Variants in ADAMTS17 observed in about 807,000 individuals in gnomAD.
ADAMTS17 encodes ADAM metallopeptidase with thrombospondin type 1 motif 17, also known as A disintegrin and metalloproteinase with thrombospondin motifs 17.
In ADAMTS17, 113 loss-of-function variants were observed where a neutral mutation model predicts 141.5. The observed-to-expected ratio is 0.80, with a 90% CI of 0.69 to 0.93. The LOEUF (loss-of-function observed/expected upper bound fraction) is 0.93, where lower values mean the gene tolerates loss of function less well. ADAMTS17 is among the 40% of genes least tolerant of loss of function. The pLI is 0.00. For synonymous variants in ADAMTS17, 768 were observed against 630.6 expected (o/e 1.22, Z -3.27); for missense variants, 1,659 against 1,517.9 (o/e 1.09, Z -1.54).
intron 18 of ADAMTS17, among the ~76,000 whole-genome samples, chr15:100,021,944 G>A (rs1486879544): frequency 6.6e-6 from 1 of 152,056 alleles, no homozygotes; most frequent in Non-Finnish European, 1.5e-5. Flanking sequence ...TTCCACTGCT[G>A]GCTCATCTGA....
intron 8 of ADAMTS17, among the ~76,000 whole-genome samples, chr15:100,184,140 G>C (rs1271091813): frequency 6.6e-6 from 1 of 152,238 alleles, no homozygotes; most frequent in East Asian, 1.9e-4. Flanking sequence ...TGCAGGTAGA[G>C]TAGCCAGCTC....
Position 100,002,592 on chromosome 15 carries a change from C to T in ADAMTS17, c.2592-5003G>A, listed in dbSNP as rs573304790. The stretch of plus-strand genomic sequence containing the variant: ...TCGCTGACTTAAAAAGCCAGATCTG[C>T]GGGGAAACAGAGTCAAGAGGAACGT... On this transcript the variant is annotated intron_variant, in intron 18 of 21. Transcript: ENST00000268070. 3.1e-4 allele frequency among the ~76,000 whole-genome samples: 47 copies of T among 152,072 alleles called. No homozygotes were observed. The South Asian group carries it at 8.1e-3, about 26-fold the overall frequency.
intron 15 of ADAMTS17, among the ~76,000 whole-genome samples, chr15:100,071,843 C>T (rs550974292): frequency 2.7e-5 from 4 of 150,450 alleles, no homozygotes; most frequent in Non-Finnish European, 4.4e-5. Context: ...TGAAAACTGG[C>T]ACAAGACAGG....
At chr15:100,308,058 A>T (rs557999000) in intron 3 of ADAMTS17, among the ~76,000 whole-genome samples, 4 of 152,232 alleles carry the variant, frequency 2.6e-5, no homozygotes, top group Admixed American at 6.5e-5. Flanking sequence ...CGGTAAGCTC[A>T]TCTACTTCAT....
intron 4 of ADAMTS17, among the ~76,000 whole-genome samples, chr15:100,266,177 T>C (rs2043709448): frequency 6.6e-6 from 1 of 152,142 alleles, no homozygotes; most frequent in Admixed American, 6.5e-5. Flanking sequence ...TTTTCCAATT[T>C]GGCTGCCCAC....
At chr15:100,235,068 G>A (rs2042612427) in intron 7 of ADAMTS17, among the ~76,000 whole-genome samples, 1 of 152,174 alleles carries the variant, frequency 6.6e-6, no homozygotes. Flanking sequence ...AAATAGTGCT[G>A]GGCCATGACT....
chr15:100,319,641 T>C (rs966980428), intron 3 of ADAMTS17, among the ~76,000 whole-genome samples: 14 of 151,858 alleles, frequency 9.2e-5, no homozygotes, highest in Admixed American at 6.6e-5. Flanking sequence ...ACCCAGGAAG[T>C]GGAGGTTACA....
chr15:100,317,603 C>T (rs2045605477), intron 3 of ADAMTS17, among the ~76,000 whole-genome samples: 2 of 152,186 alleles, frequency 1.3e-5, no homozygotes, highest in African/African-American at 4.8e-5. Context: ...ACGCAAGAAA[C>T]ACCATGCGAG....
At chr15:100,287,464 G>C (rs1216685488) in intron 3 of ADAMTS17, among the ~76,000 whole-genome samples, 2 of 152,122 alleles carry the variant, frequency 1.3e-5, no homozygotes, top group African/African-American at 4.8e-5. Context: ...AAACATATTT[G>C]AGGATATCAT....
chr15:100,097,524 C>T (rs28479584), intron 14 of ADAMTS17, among the ~76,000 whole-genome samples: 5 of 152,348 alleles, frequency 3.3e-5, no homozygotes, highest in African/African-American at 4.8e-5. Flanking sequence ...CACAGCGCCT[C>T]GGGTGCCAGG....
chr15:100,074,482 T>C (rs895959929), intron 15 of ADAMTS17, among the ~76,000 whole-genome samples: 19 of 152,102 alleles, frequency 1.2e-4, no homozygotes, highest in African/African-American at 4.3e-4. Flanking sequence ...TCTAAGGGCA[T>C]AGTTTCCTCT....
chr15:100,014,332 C>T (rs376782487), intron 18 of ADAMTS17, among the ~76,000 whole-genome samples: 11 of 152,128 alleles, frequency 7.2e-5, no homozygotes, highest in Middle Eastern at 3.4e-3. Context: ...TTTCAAAGAA[C>T]CAGCTTTTTG....
intron 3 of ADAMTS17, among the ~76,000 whole-genome samples, chr15:100,289,120 G>A (rs1283016315): frequency 6.6e-6 from 1 of 152,092 alleles, no homozygotes; most frequent in Non-Finnish European, 1.5e-5. Context: ...TAAAAAAAGA[G>A]AAGATCCAAA....
At chr15:100,258,152 C>T (rs146077197) in intron 6 of ADAMTS17, among the ~76,000 whole-genome samples, 3 of 152,244 alleles carry the variant, frequency 2.0e-5, no homozygotes, top group African/African-American at 7.2e-5. Flanking sequence ...CACCTCTTGG[C>T]TGTCATGAAT....
chr15:100,217,053 A>G (rs1430848287), intron 7 of ADAMTS17, among the ~76,000 whole-genome samples: 1 of 152,232 alleles, frequency 6.6e-6, no homozygotes, highest in African/African-American at 2.4e-5. Context: ...TATTAAATTT[A>G]TAACTAGACA....
At chr15:100,153,771 T>C (rs1275498908) in intron 9 of ADAMTS17, among the ~76,000 whole-genome samples, 1 of 152,220 alleles carries the variant, frequency 6.6e-6, no homozygotes, top group Non-Finnish European at 1.5e-5. Flanking sequence ...ACCCAGTCAC[T>C]TGCCAAGATT....
intron 15 of ADAMTS17, chr15:100,063,724 G>A (rs1342585166): frequency 7.8e-6 from 10 of 1,289,900 alleles, no homozygotes; most frequent in East Asian, 5.6e-5. Context: ...CGGATCCTCC[G>A]AGCTCCAGCA....
chr15:100,325,162 G>A (rs1012322344), intron 3 of ADAMTS17, among the ~76,000 whole-genome samples: 10 of 152,024 alleles, frequency 6.6e-5, no homozygotes, highest in African/African-American at 9.7e-5. Context: ...GTGTTCCTCC[G>A]CAATTATCCT....
At chr15:100,206,682 T>C (rs565645504) in intron 7 of ADAMTS17, among the ~76,000 whole-genome samples, 146 of 152,232 alleles carry the variant, frequency 9.6e-4, no homozygotes, top group Admixed American at 1.9e-3. Context: ...TGGCTAAAAA[T>C]AATCTCCTCC....
Sources: allele counts gnomAD v4.1 joint callset (sites outside exome capture counted in the v4.1 genomes callset), GRCh38; gene constraint gnomAD v4.1.1; transcripts MANE v1.5; gene names NCBI Gene and HGNC (gene_info 2026-07-23, HGNC 2026-07-21).